The following DNAI4 variants were observed in gnomAD, a reference collection of about 807,000 sequenced individuals.
The protein encoded by DNAI4 is dynein axonemal intermediate chain 4, also known as WD repeat domain 78.
DNAI4 carries 85 observed loss-of-function variants against 105.8 expected under a neutral mutation model. The ratio of observed to expected loss-of-function variants is 0.80; its 90% CI spans 0.67 to 0.96. The LOEUF is 0.96. Among genes scored for constraint, DNAI4 ranks in the 40% least tolerant of loss-of-function variants. The pLI is 0.00. For synonymous variants in DNAI4, 352 were observed against 331.5 expected, an observed-to-expected ratio of 1.06 and a Z score of -0.67; for missense variants, 1,014 against 1,005.6, an observed-to-expected ratio of 1.01 and a Z score of -0.11.
At chr1:66,871,692 A>G (rs765529737) in intron 5 of DNAI4, among the ~76,000 whole-genome samples, 183 bp from the exon 6 acceptor site, 3 of 152,200 alleles carry the variant, frequency 2.0e-5, no homozygotes, top group Non-Finnish European at 4.4e-5. Context: ...GGACTCTTTT[A>G]TACTGTGTCT....
chr1:66,829,234 TA>T (rs1471317326), intron 13 of DNAI4, among the ~76,000 whole-genome samples: 2 of 152,132 alleles, frequency 1.3e-5, no homozygotes. Flanking sequence ...ATAATCAAAC[TA>T]AATGTAAATG....
At chr1:66,860,914 C>T (rs1234615119) in intron 7 of DNAI4, 2 of 152,096 alleles carry the variant, frequency 1.3e-5, no homozygotes, top group African/African-American at 4.8e-5. Context: ...ATTTATTCTT[C>T]CCCTTCATTG....
chr1:66,918,914 A>G, intron 1 of DNAI4: 1 of 173,102 alleles, frequency 5.8e-6, no homozygotes, highest in Non-Finnish European at 1.3e-5. Context: ...CATTCTATTA[A>G]ATGTCATCCC....
At chr1:66,833,457 T>C (rs1054089067) in intron 13 of DNAI4, 128 bp downstream of exon 13, 2 of 1,091,486 alleles carry the variant, frequency 1.8e-6, no homozygotes, top group Non-Finnish European at 1.3e-6. Context: ...TTTATCTACT[T>C]TCTGTCTCTA....
intron 8 of DNAI4, among the ~76,000 whole-genome samples, chr1:66,843,834 G>T (rs1557917180): frequency 6.6e-6 from 1 of 151,780 alleles, no homozygotes; most frequent in Non-Finnish European, 1.5e-5. Context: ...CTATTACTAG[G>T]CTCTCTATTC....
At chr1:66,893,669 A>G (rs1009022202) in intron 2 of DNAI4, among the ~76,000 whole-genome samples, 1 of 152,202 alleles carries the variant, frequency 6.6e-6, no homozygotes, top group East Asian at 1.9e-4. Context: ...AAATCAGAAC[A>G]GTGGAAAGAT....
At chr1:66,825,896 T>G (rs1645742787) in intron 15 of DNAI4, among the ~76,000 whole-genome samples, 1 of 152,238 alleles carries the variant, frequency 6.6e-6, no homozygotes. Context: ...AGAATTTATT[T>G]TCTTGCTTTT....
intron 5 of DNAI4, 50 bp from the exon 6 acceptor site, chr1:66,871,559 CGT>C: frequency 6.9e-7 from 1 of 1,447,084 alleles, no homozygotes; most frequent in Non-Finnish European, 9.3e-7. Flanking sequence ...CATCACCACA[CGT>C]ATTATCTCTT....
In DNAI4 at chr1:66,813,965, T is replaced by G. The variant is rs1054724995; in HGVS notation, c.*165A>C. The G allele has an allele frequency of 4.2e-5, 23 of 553,546 alleles. No homozygotes were observed. The highest frequency in any genetic ancestry group is 6.8e-5 in the Non-Finnish European group (22 of 325,340). 34.3% of individuals were successfully genotyped at this position (553,546 alleles called of 1,614,324 possible). Reference sequence around the variant, plus strand: ...GAATAACTCTTAGATTGTAAACTAATCAAATATCTCTGAAATAAAAGTTTA... The same window carrying G: ...GAATAACTCTTAGATTGTAAACTAAGCAAATATCTCTGAAATAAAAGTTTA... On this transcript the variant is annotated 3_prime_UTR_variant, in exon 17 of 17. Transcript: ENST00000371026.
chr1:66,835,311 T>G (rs1045949719), intron 11 of DNAI4, among the ~76,000 whole-genome samples: 1 of 152,188 alleles, frequency 6.6e-6, no homozygotes, highest in Non-Finnish European at 1.5e-5. Flanking sequence ...GATAAAGGTA[T>G]GTATAGGTTG....
intron 7 of DNAI4, among the ~76,000 whole-genome samples, chr1:66,852,074 A>G (rs1395429547): frequency 6.6e-6 from 1 of 151,998 alleles, no homozygotes; most frequent in African/African-American, 2.4e-5. Context: ...AATAGTAGTT[A>G]CTACAGATCC....
At chr1:66,903,308 C>G (rs1412843709) in intron 2 of DNAI4, among the ~76,000 whole-genome samples, 1 of 152,064 alleles carries the variant, frequency 6.6e-6, no homozygotes, top group African/African-American at 2.4e-5. Context: ...ATTGTAAATG[C>G]AATCTTTTTC....
chr1:66,850,581 GT>G (rs550778713), intron 7 of DNAI4, among the ~76,000 whole-genome samples: 1 of 151,970 alleles, frequency 6.6e-6, no homozygotes, highest in Non-Finnish European at 1.5e-5. Flanking sequence ...ATTCTTTTGA[GT>G]TTTCTTCATT....
At chr1:66,877,141 A>G (rs1373689322) in intron 4 of DNAI4, among the ~76,000 whole-genome samples, 2 of 152,162 alleles carry the variant, frequency 1.3e-5, no homozygotes, top group East Asian at 3.8e-4. Context: ...CAACCTATGA[A>G]GCCTTCCTTG....
At position 66,890,866 on chromosome 1, in the gene DNAI4, G is replaced by A. The variant is rs201032294; in HGVS notation, c.643+288C>T. On this transcript the variant is annotated intron_variant, in intron 4 of 16. Coordinates refer to ENST00000371026, the MANE Select transcript of DNAI4 (RefSeq NM_024763.5). This position sits in a 1 kb window ranked among gnomAD's most constrained non-coding sequence, Gnocchi z 4.1. ...AGGAAGAGGAAGAAGAAGAGGAAGAGGAAGAAGAAGAAGAAGAAGCAGAAG... is the reference window on the plus strand; with the variant it reads ...AGGAAGAGGAAGAAGAAGAGGAAGAAGAAGAAGAAGAAGAAGAAGCAGAAG... 38 of 420,116 alleles carry A rather than the reference G, an allele frequency of 9.0e-5. No individual in the cohort carries two copies. In the Middle Eastern group the frequency reaches 1.4e-3, roughly 16 times the overall value. The allele number at this position is 420,116 out of a possible 1,614,324, so 26.0% of individuals were successfully genotyped here. A position where few individuals can be genotyped will look rare whatever the true frequency, so the allele number is the denominator to read the frequency against.
chr1:66,827,344 C>G (rs1183374593), intron 14 of DNAI4, among the ~76,000 whole-genome samples: 1 of 151,736 alleles, frequency 6.6e-6, no homozygotes, highest in Non-Finnish European at 1.5e-5. Flanking sequence ...GAAAATGTGG[C>G]TGAAACAATC....
intron 6 of DNAI4, among the ~76,000 whole-genome samples, chr1:66,866,331 T>C (rs1194713443): frequency 1.3e-5 from 2 of 150,026 alleles, no homozygotes; most frequent in African/African-American, 4.9e-5. Context: ...AAAAAAAGAA[T>C]GGTAAATGCA....
chr1:66,864,287 G>A (rs145026864), intron 6 of DNAI4, among the ~76,000 whole-genome samples: 15 of 152,278 alleles, frequency 9.9e-5, no homozygotes, highest in African/African-American at 3.4e-4. Context: ...CTAATGTTAT[G>A]TAAAAGATGG....
At chr1:66,838,748 G>C (rs1438253689) in intron 9 of DNAI4, among the ~76,000 whole-genome samples, 1 of 152,102 alleles carries the variant, frequency 6.6e-6, no homozygotes, top group Non-Finnish European at 1.5e-5. Context: ...CTTTCACCCT[G>C]ACATTGACAT....
Sources: gnomAD v4.1 joint callset for allele counts (sites outside exome capture counted in the v4.1 genomes callset) on GRCh38, gnomAD v4.1.1 for gene constraint, Gnocchi (gnomAD v3.1) non-coding constraint, MANE v1.5 for transcripts, NCBI Gene and HGNC (gene_info 2026-07-23, HGNC 2026-07-21) for gene names.